Variants in PKNOX2 observed in about 807,000 individuals in gnomAD.
The protein encoded by PKNOX2 is PBX/knotted 1 homeobox 2, also known as homeobox protein PKNOX2.
A neutral mutation model predicts 53.1 loss-of-function variants in PKNOX2; 14 were observed. That is an observed-to-expected ratio of 0.26 (90% CI 0.17 to 0.41). PKNOX2 has a LOEUF of 0.41. PKNOX2 is among the 10% of genes least tolerant of loss of function. The pLI, the probability that PKNOX2 is intolerant of heterozygous loss-of-function variation, is 1.00. For missense variants in PKNOX2, 496 were observed against 602.8 expected (o/e 0.82, Z 1.85); for synonymous variants, 257 against 242.8 (o/e 1.06, Z -0.54).
chr11:125,289,118 ATGGGCAGTGGC>A (rs1947131402), intron 2 of PKNOX2, among the ~76,000 whole-genome samples: 1 of 151,962 alleles, frequency 6.6e-6, no homozygotes, highest in South Asian at 2.1e-4. Flanking sequence ...TCTCCAGAGG[ATGGGCAGTGGC>A]AGGAAATCCT....
rs1318381296 is a variant in PKNOX2 at position 125,406,921 on chromosome 11, A to T, written c.589-3275A>T. On this transcript the variant is annotated intron_variant, in intron 7 of 12. Coordinates refer to ENST00000298282, the MANE Select transcript of PKNOX2 (RefSeq NM_001382323.2). Reference sequence around the variant, plus strand: ...GTGGCCCTGAGAATCTATGTCTAAAAAAAAAAAAAAAAAAAAAAAAAAAAA... The same window carrying T: ...GTGGCCCTGAGAATCTATGTCTAAATAAAAAAAAAAAAAAAAAAAAAAAAA... Among the ~76,000 whole-genome samples, 203 of 64,384 alleles carry T rather than the reference A, an allele frequency of 3.2e-3. 2 individuals carry two copies. The highest frequency in any genetic ancestry group is 9.0e-3 in the African/African-American group (191 of 21,276). 42.2% of individuals were successfully genotyped at this position (64,384 alleles called of 152,430 possible). A position where few individuals can be genotyped will look rare whatever the true frequency, so the allele number is the denominator to read the frequency against.
chr11:125,280,536 T>C (rs1374998366), intron 2 of PKNOX2, among the ~76,000 whole-genome samples: 1 of 152,200 alleles, frequency 6.6e-6, no homozygotes, highest in Non-Finnish European at 1.5e-5. Flanking sequence ...GCCAGTCTAC[T>C]CAGAAAGAGA....
intron 1 of PKNOX2, among the ~76,000 whole-genome samples, chr11:125,169,855 T>C (rs902366690): frequency 1.3e-5 from 2 of 152,198 alleles, no homozygotes; most frequent in Non-Finnish European, 2.9e-5. Flanking sequence ...TCCTAGAATT[T>C]GAAAGGCCTG....
intron 5 of PKNOX2, among the ~76,000 whole-genome samples, chr11:125,378,711 G>A (rs1027344012): frequency 1.3e-5 from 2 of 152,194 alleles, no homozygotes; most frequent in African/African-American, 2.4e-5. Flanking sequence ...TGGCTGAGAG[G>A]CTTAGAAGGG....
At chr11:125,189,647 C>T (rs1386294968) in intron 1 of PKNOX2, among the ~76,000 whole-genome samples, 1 of 151,130 alleles carries the variant, frequency 6.6e-6, no homozygotes, top group Non-Finnish European at 1.5e-5. Flanking sequence ...ATGAAATAAA[C>T]ATCTGCTTGG....
chr11:125,183,790 T>C (rs926445421), intron 1 of PKNOX2, among the ~76,000 whole-genome samples: 8 of 152,182 alleles, frequency 5.3e-5, no homozygotes, highest in African/African-American at 1.9e-4. Flanking sequence ...CAGTTGACCT[T>C]ACTGAGCTGA....
chr11:125,286,978 C>T (rs949442274), intron 2 of PKNOX2, among the ~76,000 whole-genome samples: 4 of 152,180 alleles, frequency 2.6e-5, no homozygotes, highest in Non-Finnish European at 5.9e-5. Context: ...ATGTGCTGCA[C>T]GTGGGATCCT....
intron 2 of PKNOX2, among the ~76,000 whole-genome samples, chr11:125,263,098 G>A (rs1192841648): frequency 1.3e-5 from 2 of 152,196 alleles, no homozygotes; most frequent in African/African-American, 2.4e-5. Context: ...ACTCAGTCGG[G>A]TGCCAGCCCT....
intron 1 of PKNOX2, among the ~76,000 whole-genome samples, chr11:125,189,369 G>GTA (rs1288289105): frequency 8.4e-4 from 44 of 52,204 alleles, no homozygotes; most frequent in Middle Eastern, 9.8e-3. Flanking sequence ...ATATATATAT[G>GTA]TATATATATA....
chr11:125,348,141 C>A (rs576146994), intron 3 of PKNOX2, among the ~76,000 whole-genome samples: 1 of 152,340 alleles, frequency 6.6e-6, no homozygotes, highest in East Asian at 1.9e-4. Flanking sequence ...TTCCCCCACA[C>A]CCCACTGCAA....
chr11:125,409,248 G>C lies in PKNOX2; in HGVS notation c.589-948G>C, dbSNP rs1330460861. ...GTGCAGGCTCCCCAGAAAGCAGGGA[G>C]GGCTCCACAGCAAGTCCAAGGACTT... is the stretch of plus-strand genomic sequence containing the variant. On this transcript the variant is annotated intron_variant, in intron 7 of 12. Coordinates refer to ENST00000298282, the MANE Select transcript of PKNOX2 (RefSeq NM_001382323.2). Among the ~76,000 whole-genome samples, 3 of 152,202 alleles carry C rather than the reference G, an allele frequency of 2.0e-5. No individual in the cohort carries two copies. In the East Asian group the frequency reaches 5.8e-4, roughly 29 times the overall value.
At chr11:125,314,408 C>T (rs1459636251) in intron 2 of PKNOX2, among the ~76,000 whole-genome samples, 1 of 152,146 alleles carries the variant, frequency 6.6e-6, no homozygotes, top group Non-Finnish European at 1.5e-5. Flanking sequence ...CTCAGAAGTC[C>T]ATCTGCATCT....
chr11:125,367,637 G>T lies in PKNOX2; in HGVS notation c.88-209G>T, dbSNP rs970022625. Among the ~76,000 whole-genome samples, 28 of 152,198 alleles carry T rather than the reference G, an allele frequency of 1.8e-4. 1 individual carries two copies. The highest frequency in any genetic ancestry group is 6.5e-5 in the Admixed American group (1 of 15,278). ...TCCTGGTTTTGGATGGCCTGAAATT[G>T]TTTTCTAGAACATGCTCATTTGAAG... On this transcript the variant is annotated intron_variant, in intron 4 of 12. Coordinates refer to ENST00000298282, the MANE Select transcript of PKNOX2 (RefSeq NM_001382323.2).
intron 2 of PKNOX2, among the ~76,000 whole-genome samples, chr11:125,327,341 G>A (rs1255850229): frequency 6.6e-6 from 1 of 152,218 alleles, no homozygotes; most frequent in African/African-American, 2.4e-5. Flanking sequence ...CTGGAGGTGG[G>A]GAGGTCGTGA....
At chr11:125,409,959 C>G in intron 7 of PKNOX2, 1 of 440,046 alleles carries the variant, frequency 2.3e-6, no homozygotes. Flanking sequence ...CTTAGGTTTT[C>G]AGGGCAATGG....
Position 125,387,680 on chromosome 11 carries a change from C to T in PKNOX2, c.399+1958C>T, listed in dbSNP as rs1394937606. ...AAGCTGCCCTGGTGGCCCCATACTG[C>T]CAGCGTTCCCTGGTCTTCCATCTCA... On this transcript the variant is annotated intron_variant, in intron 6 of 12. Coordinates refer to ENST00000298282, the MANE Select transcript of PKNOX2 (RefSeq NM_001382323.2). 1.6e-4 allele frequency among the ~76,000 whole-genome samples: 24 copies of T among 152,190 alleles called. 1 individual carries two copies. The highest frequency in any genetic ancestry group is 1.6e-3 in the Admixed American group (24 of 15,282).
intron 2 of PKNOX2, among the ~76,000 whole-genome samples, chr11:125,286,334 G>A (rs1187635156): frequency 6.6e-6 from 1 of 152,196 alleles, no homozygotes; most frequent in African/African-American, 2.4e-5. Flanking sequence ...TACCCTAAAG[G>A]TATTAGGAAG....
At chr11:125,203,955 G>A (rs1036745109) in intron 1 of PKNOX2, among the ~76,000 whole-genome samples, 1 of 152,186 alleles carries the variant, frequency 6.6e-6, no homozygotes, top group Non-Finnish European at 1.5e-5. Context: ...TCTGAGTAGA[G>A]AGAAGTACAA....
intron 6 of PKNOX2, among the ~76,000 whole-genome samples, chr11:125,386,136 G>A (rs562564615): frequency 7.9e-5 from 12 of 152,214 alleles, no homozygotes; most frequent in Non-Finnish European, 1.5e-4. Context: ...GAGGATGAAG[G>A]TATTAATGTG....
Sources: allele counts gnomAD v4.1 joint callset (sites outside exome capture counted in the v4.1 genomes callset), GRCh38; gene constraint gnomAD v4.1.1; transcripts MANE v1.5; gene names NCBI Gene and HGNC (gene_info 2026-07-23, HGNC 2026-07-21).